PAQR3: variants seen among roughly 807,000 people sequenced by gnomAD.
PAQR3 encodes the protein Raf kinase trapping to Golgi.
Under a neutral mutation model 41.7 loss-of-function variants are expected in PAQR3, and 39 were observed. The observed-to-expected ratio is 0.93, with a 90% CI of 0.72 to 1.22. The LOEUF (loss-of-function observed/expected upper bound fraction) is 1.22. Ranked by LOEUF, PAQR3 falls within the 50% of genes most tolerant of loss-of-function variation. PAQR3 has a pLI of 0.00. For synonymous variants in PAQR3, 140 were observed against 140.6 expected (o/e 1.00, Z 0.03); for missense variants, 366 against 385.6 (o/e 0.95, Z 0.42).
In PAQR3 at chr4:78,939,405, CCGCGGCGGACCCGGCAGCGT is replaced by C. The variant is rs1487667103; in HGVS notation, c.-201_-182del. Reference sequence around the variant, plus strand: ...CTCACACCGGCCACTGCCGCCAGCGCCGCGGCGGACCCGGCAGCGTCGCAGCCTCCTCTGACGTCAGCGCG... The same window carrying C: ...CTCACACCGGCCACTGCCGCCAGCGCCGCAGCCTCCTCTGACGTCAGCGCG... On this transcript the variant is annotated 5_prime_UTR_variant, in exon 1 of 6. Transcript: ENST00000512733. 2 of 334,730 alleles carry C rather than the reference CCGCGGCGGACCCGGCAGCGT, an allele frequency of 6.0e-6. No individual in the cohort carries two copies. Among genetic ancestry groups the C allele is most frequent in the Non-Finnish European group, 9.8e-6 (2 of 204,520 alleles). 20.7% of individuals were successfully genotyped at this position (334,730 alleles called of 1,614,324 possible). A position where few individuals can be genotyped will look rare whatever the true frequency, so the allele number is the denominator to read the frequency against.
chr4:78,928,099 T>C (rs62308004), intron 3 of PAQR3, among the ~76,000 whole-genome samples: 8,781 of 152,300 alleles, frequency 0.058, 359 homozygotes, highest in East Asian at 0.22. Flanking sequence ...CTTGGACTTT[T>C]AGTTTTTCTG....
chr4:78,937,893 C>T (rs1420136832), intron 1 of PAQR3, among the ~76,000 whole-genome samples: 1 of 152,196 alleles, frequency 6.6e-6, no homozygotes, highest in Non-Finnish European at 1.5e-5. Context: ...TCTTGTGGAA[C>T]TCCAGATCCA....
intron 4 of PAQR3, among the ~76,000 whole-genome samples, chr4:78,925,731 T>C (rs1175366815): frequency 7.2e-5 from 11 of 152,188 alleles, no homozygotes; most frequent in Non-Finnish European, 1.6e-4. Context: ...GTGATTTCTG[T>C]CAGATTTCTT....
intron 4 of PAQR3, among the ~76,000 whole-genome samples, chr4:78,925,094 C>G (rs192653628): frequency 6.6e-6 from 1 of 151,974 alleles, no homozygotes; most frequent in African/African-American, 2.4e-5. Flanking sequence ...GCTTCCTCAC[C>G]GGAATGATCT....
intron 2 of PAQR3, among the ~76,000 whole-genome samples, chr4:78,934,878 G>C (rs1737260923): frequency 6.6e-6 from 1 of 152,150 alleles, no homozygotes; most frequent in South Asian, 2.1e-4. Flanking sequence ...TCTTAAAGCA[G>C]AGGTGCCCCA....
chr4:78,920,432 T>G lies in PAQR3; in HGVS notation c.*107A>C. 7.1e-7 allele frequency: 1 copy of G among 1,400,454 alleles called. No individual in the cohort carries two copies. The highest frequency in any genetic ancestry group is 1.5e-5 in the African/African-American group (1 of 67,916). The allele number at this position is 1,400,454 out of a possible 1,614,324, so 86.8% of individuals were successfully genotyped here. On this transcript the variant is annotated 3_prime_UTR_variant, in exon 6 of 6. Coordinates refer to ENST00000512733, the MANE Select transcript of PAQR3 (RefSeq NM_001040202.2). ...CATTTTTATAAAGCATTACTCATAT[T>G]AAAAAGGAAAAAGGGAAAACTAATG... is the stretch of plus-strand genomic sequence containing the variant.
At chr4:78,908,648 G>C (rs58109910), downstream of PAQR3, among the ~76,000 whole-genome samples, 18,017 of 152,082 alleles carry the variant, frequency 0.12, 1,356 homozygotes, top group East Asian at 0.42. Context: ...ATACCTAACT[G>C]CTGTACACTT....
intron 3 of PAQR3, 88 bp from the exon 4 acceptor site, chr4:78,926,806 A>G (rs1736287778): frequency 2.6e-6 from 3 of 1,152,408 alleles, no homozygotes; most frequent in Admixed American, 3.7e-5. Context: ...TACAAATTCC[A>G]AAGTCTATTT....
chr4:78,898,142 G>T (rs1254142902), intron 11 of PAQR3, among the ~76,000 whole-genome samples: 1 of 152,160 alleles, frequency 6.6e-6, no homozygotes, highest in Non-Finnish European at 1.5e-5. Flanking sequence ...AATTCAGTAT[G>T]TTCAGAGAAT....
chr4:78,929,823 C>A (rs1736651097), intron 3 of PAQR3, among the ~76,000 whole-genome samples: 1 of 152,088 alleles, frequency 6.6e-6, no homozygotes, highest in African/African-American at 2.4e-5. Flanking sequence ...TTAATTTTAA[C>A]TTCAATTCTA....
rs190835725 is a variant in PAQR3 at position 78,919,548 on chromosome 4, T to C, written c.*991A>G. Reference sequence around the variant, plus strand: ...CCAGAGCACAGGTGAATAAGATTATTATCAAATGGGGCATCTGCATGACTT... The same window carrying C: ...CCAGAGCACAGGTGAATAAGATTATCATCAAATGGGGCATCTGCATGACTT... On this transcript the variant is annotated 3_prime_UTR_variant, in exon 6 of 6. Transcript: ENST00000512733. 1.6e-5 allele frequency: 16 copies of C among 985,134 alleles called. 1 individual carries two copies. The Admixed American group carries it at 4.9e-4, about 30-fold the overall frequency. The allele number at this position is 985,134 out of a possible 1,614,324, so 61.0% of individuals were successfully genotyped here.
At chr4:78,895,553 TAAAA>T (rs561465214) in intron 11 of PAQR3, among the ~76,000 whole-genome samples, 1 of 143,800 alleles carries the variant, frequency 7.0e-6, no homozygotes, top group Admixed American at 6.9e-5. Flanking sequence ...AACTGACACC[TAAAA>T]AAAAAAGAGG....
intron 2 of PAQR3, among the ~76,000 whole-genome samples, chr4:78,933,698 C>G (rs62308042): frequency 0.058 from 8,793 of 152,180 alleles, 359 homozygotes; most frequent in East Asian, 0.22. Context: ...TAATCCTGGG[C>G]AAGTCACTGT....
At chr4:78,931,952 G>A (rs1023919335) in intron 2 of PAQR3, among the ~76,000 whole-genome samples, 3 of 152,190 alleles carry the variant, frequency 2.0e-5, no homozygotes, top group African/African-American at 7.2e-5. Context: ...GACTAGAAGG[G>A]CTGAAACAGG....
At chr4:78,922,422 C>G in intron 5 of PAQR3, 3 of 1,288,822 alleles carry the variant, frequency 2.3e-6, no homozygotes, top group Non-Finnish European at 3.0e-6. Context: ...GGAAGTGATT[C>G]TTAACCCAGG....
At chr4:78,907,003 A>T (rs1023636752), downstream of PAQR3, among the ~76,000 whole-genome samples, 2 of 152,158 alleles carry the variant, frequency 1.3e-5, no homozygotes, top group Admixed American at 1.3e-4. Context: ...AATTGATACT[A>T]AAAAAGGAGG....
At chr4:78,921,939 TTACAATA>T in intron 5 of PAQR3, 1 of 985,068 alleles carries the variant, frequency 1.0e-6, no homozygotes, top group South Asian at 4.7e-5. Flanking sequence ...GAAGGTTAAG[TTACAATA>T]AGTTTGATTG....
At position 78,916,688 on chromosome 4, in the gene PAQR3, T is replaced by TA. The variant is rs1268887448; in HGVS notation, c.*3850dup. The TA allele has an allele frequency of 6.6e-6, 1 of 152,044 alleles. No homozygotes were observed. The highest frequency in any genetic ancestry group is 2.4e-5 in the African/African-American group (1 of 41,542). 9.4% of individuals were successfully genotyped at this position (152,044 alleles called of 1,614,324 possible). A position where few individuals can be genotyped will look rare whatever the true frequency, so the allele number is the denominator to read the frequency against. On this transcript the variant is annotated 3_prime_UTR_variant, in exon 6 of 6. Coordinates refer to ENST00000512733, the MANE Select transcript of PAQR3 (RefSeq NM_001040202.2). ...ATTGTGTAGTGCCTTCTGAATAACTTATTTTACAGCTTCCACATTATAAAT... is the reference window on the plus strand; with the variant it reads ...ATTGTGTAGTGCCTTCTGAATAACTTAATTTTACAGCTTCCACATTATAAAT...
chr4:78,916,557 A>G lies in PAQR3; in HGVS notation c.*3982T>C, dbSNP rs1156360642. On this transcript the variant is annotated 3_prime_UTR_variant, in exon 6 of 6. Transcript: ENST00000512733. ...CAGAGTTTACAATTTAGGTAAGAAA[A>G]CCCATTTGACTTAAGAGTTTTTGCC... The G allele has an allele frequency of 6.6e-6, 1 of 151,792 alleles. No individual in the cohort carries two copies. The highest frequency in any genetic ancestry group is 1.5e-5 in the Non-Finnish European group (1 of 67,830). 9.4% of individuals were successfully genotyped at this position (151,792 alleles called of 1,614,324 possible).
Sources: gnomAD v4.1 joint callset for allele counts (sites outside exome capture counted in the v4.1 genomes callset) on GRCh38, gnomAD v4.1.1 for gene constraint, MANE v1.5 for transcripts, NCBI Gene and HGNC (gene_info 2026-07-23, HGNC 2026-07-21) for gene names.